CA13: variants seen among roughly 807,000 people sequenced by gnomAD.
CA13 encodes the protein carbonic anhydrase 13.
A neutral mutation model predicts 31.5 loss-of-function variants in CA13; 21 were observed. The observed-to-expected ratio is 0.67, with a 90% CI of 0.47 to 0.96. The LOEUF is 0.96. Ranked by LOEUF, CA13 falls within the 40% of genes least tolerant of loss-of-function variation. The probability of loss-of-function intolerance (pLI) is 0.00; values close to 1 mark genes in which losing one functional copy is unlikely to be tolerated. For synonymous variants in CA13, 117 were observed against 111.4 expected, an observed-to-expected ratio of 1.05 and a Z score of -0.32; for missense variants, 315 against 318.9, an observed-to-expected ratio of 0.99 and a Z score of 0.09.
At chr8:85,274,664 T>C (rs770525811) in intron 6 of CA13, among the ~76,000 whole-genome samples, 3 of 152,228 alleles carry the variant, frequency 2.0e-5, no homozygotes, top group Non-Finnish European at 2.9e-5. Context: ...TTTGGTTTTG[T>C]TGCGAGAGCA....
intron 3 of CA13, among the ~76,000 whole-genome samples, chr8:85,263,066 G>A (rs757967458): frequency 2.0e-5 from 3 of 152,172 alleles, no homozygotes; most frequent in Non-Finnish European, 4.4e-5. Flanking sequence ...GAGACTGACT[G>A]ATAAGAAGAA....
Position 85,258,430 on chromosome 8 carries a change from A to G in CA13, c.236-991A>G, listed in dbSNP as rs912269927. ...ATTTTTGAAAAATTATTTTTGTCCT[A>G]TATTTCACATTTCCCCAAGAATATA... On this transcript the variant is annotated intron_variant, in intron 2 of 6. Coordinates refer to ENST00000321764, the MANE Select transcript of CA13 (RefSeq NM_198584.3). Among the ~76,000 whole-genome samples the G allele has an allele frequency of 3.3e-5, 5 of 152,274 alleles. No individual in the cohort carries two copies. In the East Asian group the frequency reaches 5.8e-4, roughly 18 times the overall value.
intron 6 of CA13, among the ~76,000 whole-genome samples, chr8:85,278,539 A>G (rs1021851141): frequency 3.9e-5 from 6 of 152,180 alleles, no homozygotes; most frequent in African/African-American, 1.4e-4. Context: ...CCAAAATGTT[A>G]GAAATGTGAT....
rs368515395 is a variant in CA13, at chr8:85,266,588, G to A, written c.355-20G>A. 197 of 1,578,554 alleles carry A rather than the reference G, an allele frequency of 1.2e-4. No individual in the cohort carries two copies. Among genetic ancestry groups the A allele is most frequent in the Non-Finnish European group, 1.6e-4 (186 of 1,152,402 alleles). ...ATGTCTAACAAAACATTCCTACTAT[G>A]TTGTATATCTCCCTTTCAGCTCCAT... On this transcript the variant is annotated intron_variant, in intron 3 of 6. Transcript: ENST00000321764.
At chr8:85,278,159 C>T (rs889350684) in intron 6 of CA13, among the ~76,000 whole-genome samples, 4 of 148,826 alleles carry the variant, frequency 2.7e-5, no homozygotes, top group Non-Finnish European at 4.4e-5. Flanking sequence ...TCAGCTACTC[C>T]GGAGGCTGAG....
intron 2 of CA13, among the ~76,000 whole-genome samples, chr8:85,252,601 T>C (rs1487675356): frequency 1.3e-5 from 2 of 152,196 alleles, no homozygotes; most frequent in South Asian, 2.1e-4. Flanking sequence ...GACTATCTAC[T>C]GCCCAAGCAG....
intron 6 of CA13, among the ~76,000 whole-genome samples, chr8:85,269,492 A>C (rs1048396751): frequency 5.9e-5 from 9 of 152,114 alleles, no homozygotes; most frequent in African/African-American, 2.2e-4. Context: ...TTCTTACTAT[A>C]ATTATAAGAA....
chr8:85,261,479 T>A (rs1335641168), intron 3 of CA13, among the ~76,000 whole-genome samples: 1 of 152,194 alleles, frequency 6.6e-6, no homozygotes, highest in Admixed American at 6.5e-5. Flanking sequence ...CAGGCTAGAA[T>A]GCGATGGTGC....
At chr8:85,277,862 G>A (rs1166847183) in intron 6 of CA13, among the ~76,000 whole-genome samples, 1 of 152,150 alleles carries the variant, frequency 6.6e-6, no homozygotes, top group African/African-American at 2.4e-5. Flanking sequence ...GAGGGTATGT[G>A]TCTCCCAGCC....
At chr8:85,252,324 T>C (rs796610463) in intron 2 of CA13, among the ~76,000 whole-genome samples, 2 of 152,310 alleles carry the variant, frequency 1.3e-5, no homozygotes, top group African/African-American at 4.8e-5. Context: ...TATCGTAATT[T>C]ATGTACCATT....
At chr8:85,256,212 T>A (rs1388545530) in intron 2 of CA13, among the ~76,000 whole-genome samples, 1 of 152,160 alleles carries the variant, frequency 6.6e-6, no homozygotes, top group Non-Finnish European at 1.5e-5. Flanking sequence ...AACCTTTATT[T>A]TTAAAAAATT....
chr8:85,272,464 T>C (rs1294853019), intron 6 of CA13, among the ~76,000 whole-genome samples: 3 of 151,968 alleles, frequency 2.0e-5, no homozygotes, highest in Non-Finnish European at 4.4e-5. Context: ...CCATGTTGGC[T>C]GGGCTGGTCT....
rs1409453936 is a variant in CA13 at position 85,251,013 on chromosome 8, T to C, written c.235+76T>C. On this transcript the variant is annotated intron_variant, in intron 2 of 6. Transcript: ENST00000321764. ...ATTAGACTATACTCTTTTTTTTTTT[T>C]TTTTTTTGAGACAGAGTCTCGCTCT... 237 of 1,285,358 alleles carry C rather than the reference T, an allele frequency of 1.8e-4. 5 individuals are homozygous for C. The African/African-American group carries it at 3.1e-3, about 17-fold the overall frequency. The allele number at this position is 1,285,358 out of a possible 1,614,324, so 79.6% of individuals were successfully genotyped here.
At chr8:85,277,392 C>A in intron 6 of CA13, among the ~76,000 whole-genome samples, 1 of 152,084 alleles carries the variant, frequency 6.6e-6, no homozygotes, top group Non-Finnish European at 1.5e-5. Context: ...ACTCCTGAGC[C>A]AGCGAGACCA....
In CA13 at chr8:85,281,477, T is replaced by A. The variant is rs1230008041; in HGVS notation, c.*128T>A. The A allele has an allele frequency of 7.0e-7, 1 of 1,435,152 alleles. No homozygotes were observed. The highest frequency in any genetic ancestry group is 1.4e-5 in the African/African-American group (1 of 69,864). The allele number at this position is 1,435,152 out of a possible 1,614,324, so 88.9% of individuals were successfully genotyped here. On this transcript the variant is annotated 3_prime_UTR_variant, in exon 7 of 7. Coordinates refer to ENST00000321764, the MANE Select transcript of CA13 (RefSeq NM_198584.3). ...TTATAGGAAACATTTTAGTATGAGC[T>A]TCAGTGTCACAAAGAAAACCAGATC...
intron 6 of CA13, among the ~76,000 whole-genome samples, chr8:85,272,589 C>G (rs1271179204): frequency 6.6e-6 from 1 of 152,022 alleles, no homozygotes; most frequent in Non-Finnish European, 1.5e-5. Flanking sequence ...GTGTAATATT[C>G]CATGGTATGG....
At chr8:85,266,849 T>C in intron 4 of CA13, 146 bp downstream of exon 4, 1 of 595,510 alleles carries the variant, frequency 1.7e-6, no homozygotes, top group Non-Finnish European at 2.9e-6. Context: ...TTAAAAATTA[T>C]ATATTCATTT....
intron 2 of CA13, among the ~76,000 whole-genome samples, chr8:85,258,100 A>G (rs2129965364): frequency 6.6e-6 from 1 of 151,646 alleles, no homozygotes; most frequent in Middle Eastern, 3.4e-3. Context: ...TCCTGGGCTC[A>G]AGCGATCCTC....
At chr8:85,274,303 C>G (rs1807568934) in intron 6 of CA13, among the ~76,000 whole-genome samples, 1 of 152,138 alleles carries the variant, frequency 6.6e-6, no homozygotes, top group South Asian at 2.1e-4. Context: ...GGGTTTGTAT[C>G]CATCATGTCG....
Sources: gnomAD v4.1 joint callset for allele counts (sites outside exome capture counted in the v4.1 genomes callset) on GRCh38, gnomAD v4.1.1 for gene constraint, MANE v1.5 for transcripts, NCBI Gene and HGNC (gene_info 2026-07-23, HGNC 2026-07-21) for gene names.